IMMP2L: variants seen among roughly 807,000 people sequenced by gnomAD.
IMMP2L encodes inner mitochondrial membrane peptidase subunit 2.
IMMP2L carries 18 observed loss-of-function variants against 19.3 expected under a neutral mutation model. The observed-to-expected ratio is 0.93, with a 90% CI of 0.64 to 1.38. IMMP2L has a LOEUF of 1.38. Among genes scored for constraint, IMMP2L ranks in the 40% most tolerant of loss-of-function variants. The pLI is 0.00. For synonymous variants in IMMP2L, 76 were observed against 73.0 expected, an observed-to-expected ratio of 1.04 and a Z score of -0.21; for missense variants, 233 against 218.2, an observed-to-expected ratio of 1.07 and a Z score of -0.43.
At chr7:111,016,842 T>TATATAATATATATTATATAATATATTAC (rs1825706322) in intron 3 of IMMP2L, among the ~76,000 whole-genome samples, 4 of 85,236 alleles carry the variant, frequency 4.7e-5, no homozygotes, top group Non-Finnish European at 8.1e-5. Flanking sequence ...GTATATATTA[T>TATATAATATATATTATATAATATATTAC]ATATAATATA....
At chr7:111,498,850 T>G (rs952429612) in intron 2 of IMMP2L, among the ~76,000 whole-genome samples, 2 of 152,104 alleles carry the variant, frequency 1.3e-5, no homozygotes, top group African/African-American at 4.8e-5. Context: ...TTTTGGTACC[T>G]GGGTACCCTA....
intron 3 of IMMP2L, among the ~76,000 whole-genome samples, chr7:111,088,664 A>C (rs1260501677): frequency 6.6e-6 from 1 of 152,178 alleles, no homozygotes; most frequent in Non-Finnish European, 1.5e-5. Flanking sequence ...ATGATCACTC[A>C]CAATTGTATT....
At chr7:111,388,992 A>C (rs1485104770) in intron 3 of IMMP2L, among the ~76,000 whole-genome samples, 2 of 152,150 alleles carry the variant, frequency 1.3e-5, no homozygotes, top group East Asian at 3.9e-4. Context: ...CTCAGTAGTA[A>C]AGAGCAATCT....
intron 4 of IMMP2L, among the ~76,000 whole-genome samples, chr7:110,894,988 G>T (rs1811178256): frequency 6.6e-6 from 1 of 152,092 alleles, no homozygotes; most frequent in African/African-American, 2.4e-5. Flanking sequence ...TTTACCCTAT[G>T]TATTAGTCCA....
chr7:111,011,899 A>G (rs1825000455), intron 3 of IMMP2L, among the ~76,000 whole-genome samples: 1 of 152,048 alleles, frequency 6.6e-6, no homozygotes, highest in African/African-American at 2.4e-5. Context: ...TTCTTATGAC[A>G]TTGCCATTTC....
rs55970868 is a variant in IMMP2L, at chr7:110,699,763, C to CAA, written c.409-36044_409-36043dup. ...AGTCTGGGTGACTGAGACTCTACCTCAAAAAAAAAAAAAAAATAAGGTGAA... is the reference window on the plus strand; with the variant it reads ...AGTCTGGGTGACTGAGACTCTACCTCAAAAAAAAAAAAAAAAAATAAGGTGAA... On this transcript the variant is annotated intron_variant, in intron 5 of 5. Transcript: ENST00000405709. Among the ~76,000 whole-genome samples, 358 of 137,976 alleles carry CAA rather than the reference C, an allele frequency of 2.6e-3. 7 individuals are homozygous for CAA. The East Asian group carries it at 0.028, about 11-fold the overall frequency. The allele number at this position is 137,976 out of a possible 152,430, so 90.5% of individuals were successfully genotyped here.
chr7:111,379,590 G>A (rs930802156), intron 3 of IMMP2L, among the ~76,000 whole-genome samples: 5 of 151,526 alleles, frequency 3.3e-5, no homozygotes, highest in African/African-American at 1.2e-4. Context: ...AAAGGAACCA[G>A]GCTGAAAGTC....
intron 3 of IMMP2L, among the ~76,000 whole-genome samples, chr7:111,147,936 A>G (rs1803658162): frequency 6.6e-6 from 1 of 152,110 alleles, no homozygotes; most frequent in Admixed American, 6.6e-5. Context: ...TGCTTTGGGA[A>G]ACAGTTTGGT....
chr7:111,296,970 T>C (rs1328462923), intron 3 of IMMP2L, among the ~76,000 whole-genome samples: 1 of 151,988 alleles, frequency 6.6e-6, no homozygotes, highest in Non-Finnish European at 1.5e-5. Flanking sequence ...ACTTATATAA[T>C]ATTCTCTAAA....
At chr7:111,514,755 C>T (rs528522789) in intron 2 of IMMP2L, among the ~76,000 whole-genome samples, 36 of 152,128 alleles carry the variant, frequency 2.4e-4, no homozygotes, top group Admixed American at 4.6e-4. Context: ...TCATCTGTAA[C>T]CCTTCTACTT....
chr7:111,016,825 A>T lies in IMMP2L; in HGVS notation c.240-53260T>A, dbSNP rs189378710. ...TAATATATACTATATATTATATATA[A>T]TATATAGTATATATTATATATAATA... On this transcript the variant is annotated intron_variant, in intron 3 of 5. Transcript: ENST00000405709. Among the ~76,000 whole-genome samples, 74 of 62,186 alleles carry T rather than the reference A, an allele frequency of 1.2e-3. 1 individual carries two copies. Among genetic ancestry groups the T allele is most frequent in the African/African-American group, 2.4e-3 (42 of 17,816 alleles). 40.8% of individuals were successfully genotyped at this position (62,186 alleles called of 152,430 possible). A position where few individuals can be genotyped will look rare whatever the true frequency, so the allele number is the denominator to read the frequency against.
intron 1 of IMMP2L, among the ~76,000 whole-genome samples, chr7:111,543,863 C>T (rs1459852876): frequency 1.3e-5 from 2 of 152,070 alleles, no homozygotes; most frequent in Non-Finnish European, 2.9e-5. Flanking sequence ...AAATACTTTT[C>T]TTCAGACTTT....
chr7:111,180,041 T>C (rs920187351), intron 3 of IMMP2L, among the ~76,000 whole-genome samples: 4 of 151,994 alleles, frequency 2.6e-5, no homozygotes, highest in East Asian at 1.9e-4. Flanking sequence ...GCTGGTTTGA[T>C]CTATCCAGAA....
At chr7:110,816,267 T>G (rs1214005716) in intron 5 of IMMP2L, among the ~76,000 whole-genome samples, 2 of 152,250 alleles carry the variant, frequency 1.3e-5, no homozygotes, top group African/African-American at 4.8e-5. Flanking sequence ...TCCATGTAGT[T>G]GAGCGGCTTT....
At chr7:110,899,957 C>T (rs1269606184) in intron 4 of IMMP2L, among the ~76,000 whole-genome samples, 2 of 152,094 alleles carry the variant, frequency 1.3e-5, no homozygotes, top group Admixed American at 6.5e-5. Context: ...GAAATATGCT[C>T]AATTATAAGC....
chr7:111,285,877 T>A (rs945535627), intron 3 of IMMP2L, among the ~76,000 whole-genome samples: 1 of 152,186 alleles, frequency 6.6e-6, no homozygotes, highest in Admixed American at 6.5e-5. Flanking sequence ...ATGTGCTTAA[T>A]ACTTCTGCAT....
chr7:111,184,949 G>T (rs1808106167), intron 3 of IMMP2L, among the ~76,000 whole-genome samples: 1 of 152,084 alleles, frequency 6.6e-6, no homozygotes, highest in Admixed American at 6.5e-5. Flanking sequence ...TAAATATCCT[G>T]CTAATAAAGA....
chr7:110,952,418 A>G (rs545230368), intron 4 of IMMP2L, among the ~76,000 whole-genome samples: 2 of 152,292 alleles, frequency 1.3e-5, no homozygotes, highest in Admixed American at 1.3e-4. Flanking sequence ...AACACTGGGC[A>G]TAAGTGGGTT....
chr7:111,533,682 T>C (rs1327829298), intron 1 of IMMP2L, among the ~76,000 whole-genome samples: 1 of 152,178 alleles, frequency 6.6e-6, no homozygotes, highest in Admixed American at 6.5e-5. Context: ...AGATATTTAT[T>C]AAATTCATTA....
Sources: gnomAD v4.1 joint callset for allele counts (sites outside exome capture counted in the v4.1 genomes callset) on GRCh38, gnomAD v4.1.1 for gene constraint, MANE v1.5 for transcripts, NCBI Gene and HGNC (gene_info 2026-07-23, HGNC 2026-07-21) for gene names.